The following RABGAP1L variants were observed in gnomAD, a reference collection of about 807,000 sequenced individuals.
RABGAP1L encodes RAB GTPase activating protein 1 like.
In RABGAP1L, 63 loss-of-function variants were observed where a neutral mutation model predicts 137.7. The ratio of observed to expected loss-of-function variants is 0.46; its 90% CI spans 0.37 to 0.56. The LOEUF (loss-of-function observed/expected upper bound fraction) is 0.56. Ranked by LOEUF, RABGAP1L falls within the 20% of genes least tolerant of loss-of-function variation. The pLI, the probability that RABGAP1L is intolerant of heterozygous loss-of-function variation, is 0.00. For synonymous variants in RABGAP1L, 431 were observed against 433.7 expected (o/e 0.99, Z 0.08); for missense variants, 1,095 against 1,244.0 (o/e 0.88, Z 1.80).
chr1:174,673,146 A>T (rs1677313378), intron 14 of RABGAP1L, among the ~76,000 whole-genome samples: 1 of 152,176 alleles, frequency 6.6e-6, no homozygotes, highest in South Asian at 2.1e-4. Context: ...ATAAAAGTAC[A>T]AATTAAGCAA....
chr1:174,961,736 C>A (rs1366853808), intron 20 of RABGAP1L, among the ~76,000 whole-genome samples: 1 of 150,702 alleles, frequency 6.6e-6, no homozygotes, highest in Non-Finnish European at 1.5e-5. Context: ...GTCCCAGCTA[C>A]TCGAGAGGCT....
intron 19 of RABGAP1L, among the ~76,000 whole-genome samples, chr1:174,942,372 C>A (rs576026540): frequency 2.6e-4 from 39 of 152,242 alleles, no homozygotes; most frequent in African/African-American, 8.7e-4. Context: ...TATAACTAAC[C>A]AAGTACACCA....
chr1:174,634,820 G>A (rs1673804749), intron 13 of RABGAP1L, among the ~76,000 whole-genome samples: 1 of 145,652 alleles, frequency 6.9e-6, no homozygotes, highest in African/African-American at 2.6e-5. Flanking sequence ...CCTCATAGGT[G>A]GGAATTGAAC....
intron 18 of RABGAP1L, among the ~76,000 whole-genome samples, chr1:174,803,049 A>G (rs575533053): frequency 6.6e-6 from 1 of 152,290 alleles, no homozygotes; most frequent in African/African-American, 2.4e-5. Context: ...TACTTTTAAG[A>G]TCCCATTATT....
intron 11 of RABGAP1L, among the ~76,000 whole-genome samples, chr1:174,364,776 G>A (rs913844079): frequency 8.5e-5 from 13 of 152,136 alleles, no homozygotes; most frequent in Non-Finnish European, 1.8e-4. Context: ...AGAGCCCAAG[G>A]TCAATGGTGT....
At chr1:174,816,795 G>C (rs1193908677) in intron 19 of RABGAP1L, among the ~76,000 whole-genome samples, 6 of 147,962 alleles carry the variant, frequency 4.1e-5, no homozygotes, top group African/African-American at 1.5e-4. Flanking sequence ...GCAATGGCGC[G>C]ATCCCTGCCT....
chr1:174,162,947 G>T (rs1387620881), intron 1 of RABGAP1L, among the ~76,000 whole-genome samples: 1 of 125,144 alleles, frequency 8.0e-6, no homozygotes, highest in Admixed American at 8.3e-5. Context: ...TGGTGGGGAG[G>T]GGGGAGGGGG....
At chr1:174,913,119 G>A (rs1660315897) in intron 19 of RABGAP1L, among the ~76,000 whole-genome samples, 1 of 152,050 alleles carries the variant, frequency 6.6e-6, no homozygotes, top group South Asian at 2.1e-4. Context: ...GGGATTACAA[G>A]TGTATGCCAC....
At chr1:174,745,217 G>T (rs1028429346) in intron 17 of RABGAP1L, among the ~76,000 whole-genome samples, 1 of 152,104 alleles carries the variant, frequency 6.6e-6, no homozygotes, top group Non-Finnish European at 1.5e-5. Flanking sequence ...TGGTTCCTTA[G>T]AGAGCATGGG....
chr1:174,661,156 TAACA>T (rs1390228074), intron 14 of RABGAP1L, among the ~76,000 whole-genome samples: 2 of 152,218 alleles, frequency 1.3e-5, no homozygotes, highest in African/African-American at 4.8e-5. Context: ...GTAAATTTTT[TAACA>T]AACAGTGATT....
chr1:174,315,194 T>G (rs1041780933), intron 11 of RABGAP1L, among the ~76,000 whole-genome samples: 3 of 152,184 alleles, frequency 2.0e-5, no homozygotes, highest in African/African-American at 4.8e-5. Flanking sequence ...TATTTAAAAT[T>G]GTTGTATCTT....
chr1:174,511,050 G>A (rs1662286236), intron 13 of RABGAP1L, among the ~76,000 whole-genome samples: 1 of 152,100 alleles, frequency 6.6e-6, no homozygotes, highest in Admixed American at 6.5e-5. Flanking sequence ...GTTTCTTAAG[G>A]AATCAAGACC....
At chr1:174,645,591 T>G (rs1471835539) in intron 14 of RABGAP1L, among the ~76,000 whole-genome samples, 1 of 152,198 alleles carries the variant, frequency 6.6e-6, no homozygotes, top group Non-Finnish European at 1.5e-5. Flanking sequence ...GGTGTATATG[T>G]GCCACATTTT....
intron 1 of RABGAP1L, among the ~76,000 whole-genome samples, chr1:174,170,343 T>G (rs1283286343): frequency 6.6e-6 from 1 of 152,142 alleles, no homozygotes; most frequent in Non-Finnish European, 1.5e-5. Flanking sequence ...ATCTCCAGTT[T>G]GCAGGTGAGG....
At chr1:174,685,399 C>A (rs1678382922) in intron 15 of RABGAP1L, among the ~76,000 whole-genome samples, 1 of 150,740 alleles carries the variant, frequency 6.6e-6, no homozygotes, top group Non-Finnish European at 1.5e-5. Flanking sequence ...ACTACAGGCT[C>A]CTGCCACCAT....
At chr1:174,193,369 T>G (rs1571466738) in intron 1 of RABGAP1L, among the ~76,000 whole-genome samples, 1 of 152,142 alleles carries the variant, frequency 6.6e-6, no homozygotes, top group Non-Finnish European at 1.5e-5. Flanking sequence ...CTGTCTCTAC[T>G]AAAAATACAA....
At chr1:174,436,822 T>C (rs1214976490) in intron 13 of RABGAP1L, among the ~76,000 whole-genome samples, 3 of 152,126 alleles carry the variant, frequency 2.0e-5, no homozygotes, top group Non-Finnish European at 2.9e-5. Context: ...AACCCCCCAG[T>C]AGGGGCAGAC....
intron 13 of RABGAP1L, among the ~76,000 whole-genome samples, chr1:174,560,283 A>G (rs1188385147): frequency 6.6e-6 from 1 of 151,684 alleles, no homozygotes; most frequent in African/African-American, 2.4e-5. Context: ...CTCCACCTTC[A>G]CCCCCTCAGA....
rs546159282 is a variant in RABGAP1L, at chr1:174,903,392, G to C, written c.2341-54065G>C. On this transcript the variant is annotated intron_variant, in intron 19 of 25. Transcript: ENST00000681986. ...TATGAGTGGAATGTGATAATATAAAGAGAAACTTCTTTTAATACAGATAAT... is the reference window on the plus strand; with the variant it reads ...TATGAGTGGAATGTGATAATATAAACAGAAACTTCTTTTAATACAGATAAT... 7.9e-5 allele frequency among the ~76,000 whole-genome samples: 12 copies of C among 152,304 alleles called. No individual in the cohort carries two copies. In the South Asian group the frequency reaches 2.3e-3, roughly 29 times the overall value.
Sources: gnomAD v4.1 joint callset for allele counts (sites outside exome capture counted in the v4.1 genomes callset) on GRCh38, gnomAD v4.1.1 for gene constraint, MANE v1.5 for transcripts, NCBI Gene and HGNC (gene_info 2026-07-23, HGNC 2026-07-21) for gene names.